The following P2RY14 variants were observed in gnomAD, a reference collection of about 807,000 sequenced individuals.
The protein encoded by P2RY14 is purinergic receptor P2Y14, also known as P2Y purinoceptor 14.
Under a neutral mutation model 0.9 loss-of-function variants are expected in P2RY14, and 2 were observed. The ratio of observed to expected loss-of-function variants is 2.16; its 90% CI spans 0.88 to 6.79. The LOEUF (loss-of-function observed/expected upper bound fraction) is 6.79, where lower values mean the gene tolerates loss of function less well. Among genes scored for constraint, P2RY14 ranks in the 30% most tolerant of loss-of-function variants. The probability of loss-of-function intolerance (pLI) is 0.05; values close to 1 mark genes in which losing one functional copy is unlikely to be tolerated. For missense variants in P2RY14, 378 were observed against 400.1 expected, an observed-to-expected ratio of 0.94 and a Z score of 0.47; for synonymous variants, 158 against 147.2, an observed-to-expected ratio of 1.07 and a Z score of -0.53.
At chr3:151,261,767 C>G (rs1223816230) in intron 1 of P2RY14, among the ~76,000 whole-genome samples, 1 of 152,048 alleles carries the variant, frequency 6.6e-6, no homozygotes, top group Non-Finnish European at 1.5e-5. Context: ...CTGTGTCATC[C>G]AGGCCACAGT....
At chr3:151,242,490 C>A (rs1474412727) in intron 1 of P2RY14, among the ~76,000 whole-genome samples, 1 of 152,116 alleles carries the variant, frequency 6.6e-6, no homozygotes, top group East Asian at 1.9e-4. Flanking sequence ...CTGGGAGGCA[C>A]CCCCCAGCAG....
intron 1 of P2RY14, among the ~76,000 whole-genome samples, chr3:151,242,495 C>A (rs917072374): frequency 1.3e-5 from 2 of 152,208 alleles, no homozygotes; most frequent in Non-Finnish European, 2.9e-5. Context: ...AGGCACCCCC[C>A]AGCAGGGGCA....
intron 1 of P2RY14, among the ~76,000 whole-genome samples, chr3:151,254,549 T>G (rs1370654597): frequency 6.6e-6 from 1 of 152,234 alleles, no homozygotes; most frequent in Non-Finnish European, 1.5e-5. Context: ...TATTTCAATA[T>G]TATAATTTGA....
intron 1 of P2RY14, among the ~76,000 whole-genome samples, chr3:151,266,213 A>G (rs1739809065): frequency 6.6e-6 from 1 of 152,200 alleles, no homozygotes; most frequent in South Asian, 2.1e-4. Flanking sequence ...GATTTCTGTT[A>G]AATAAGTAGA....
At chr3:151,252,100 C>T (rs1736964158) in intron 1 of P2RY14, among the ~76,000 whole-genome samples, 4 of 152,108 alleles carry the variant, frequency 2.6e-5, no homozygotes. Context: ...GAGGTTATTC[C>T]TGGACCACCC....
intron 1 of P2RY14, among the ~76,000 whole-genome samples, chr3:151,227,302 C>T (rs1472029012): frequency 2.0e-5 from 3 of 152,196 alleles, no homozygotes. Context: ...AAATTCGGCC[C>T]TCTCTTGATT....
At chr3:151,214,429 G>T in intron 2 of P2RY14, 89 bp from the exon 3 acceptor site, 1 of 886,848 alleles carries the variant, frequency 1.1e-6, no homozygotes. Context: ...AATGAATATA[G>T]TCAAACCTAC....
At position 151,212,471 on chromosome 3, in the gene P2RY14, T is replaced by C. The variant is rs1413465252; in HGVS notation, c.*829A>G. ...CAGTAGATTAATATATGTTCTACGG[T>C]GTGGGTGTGTCTTTTTCCCAGTCAT... On this transcript the variant is annotated 3_prime_UTR_variant, in exon 3 of 3. Transcript: ENST00000309170. 6.6e-6 allele frequency: 1 copy of C among 152,154 alleles called. No individual in the cohort carries two copies. Among genetic ancestry groups the C allele is most frequent in the Non-Finnish European group, 1.5e-5 (1 of 68,006 alleles). The allele number at this position is 152,154 out of a possible 1,614,324, so 9.4% of individuals were successfully genotyped here.
At chr3:151,240,237 CACG>C (rs1363866789) in intron 1 of P2RY14, among the ~76,000 whole-genome samples, 9 of 152,152 alleles carry the variant, frequency 5.9e-5, no homozygotes, top group Non-Finnish European at 1.3e-4. Flanking sequence ...TGTGTACTGA[CACG>C]ACGCCCAGTT....
In P2RY14 at chr3:151,214,317, C is replaced by T; in HGVS notation, c.-1G>A. On this transcript the variant is annotated 5_prime_UTR_variant, in exon 3 of 3. Coordinates refer to ENST00000309170, the MANE Select transcript of P2RY14 (RefSeq NM_014879.4). Reference sequence around the variant, plus strand: ...GCTGTGTGGAGGTTGAATTGATCATCTTGTAACTTCTGAAGGCAGAGGCCT... The same window carrying T: ...GCTGTGTGGAGGTTGAATTGATCATTTTGTAACTTCTGAAGGCAGAGGCCT... The T allele has an allele frequency of 6.2e-7, 1 of 1,610,692 alleles. No homozygotes were observed. Among genetic ancestry groups the T allele is most frequent in the Non-Finnish European group, 8.5e-7 (1 of 1,178,170 alleles).
chr3:151,223,461 T>C (rs764000024), intron 1 of P2RY14, among the ~76,000 whole-genome samples: 1 of 152,096 alleles, frequency 6.6e-6, no homozygotes, highest in Non-Finnish European at 1.5e-5. Context: ...CAATGATGGA[T>C]TGGATGAAGA....
chr3:151,234,874 A>G (rs1371839962), intron 1 of P2RY14, among the ~76,000 whole-genome samples: 2 of 152,220 alleles, frequency 1.3e-5, no homozygotes, highest in African/African-American at 2.4e-5. Flanking sequence ...GCAGAAGCCT[A>G]TCCTCAGCTG....
At chr3:151,261,346 T>C (rs1170853604) in intron 1 of P2RY14, 1 of 152,122 alleles carries the variant, frequency 6.6e-6, no homozygotes, top group Non-Finnish European at 1.5e-5. Context: ...AGGAATATGA[T>C]AATATTTGCA....
chr3:151,263,282 C>G (rs1009690539), intron 1 of P2RY14, among the ~76,000 whole-genome samples: 1 of 152,124 alleles, frequency 6.6e-6, no homozygotes, highest in Non-Finnish European at 1.5e-5. Flanking sequence ...GAAATAATGC[C>G]AGCTGAGTGG....
chr3:151,215,128 A>G (rs1023992712), intron 2 of P2RY14, among the ~76,000 whole-genome samples: 1 of 150,614 alleles, frequency 6.6e-6, no homozygotes, highest in Non-Finnish European at 1.5e-5. Flanking sequence ...TTTTTTTCCC[A>G]TTGAAAAACT....
chr3:151,263,950 A>G (rs1446444478), intron 1 of P2RY14, among the ~76,000 whole-genome samples: 1 of 152,228 alleles, frequency 6.6e-6, no homozygotes, highest in African/African-American at 2.4e-5. Context: ...AAGGCAGATA[A>G]CGATGGACAG....
At chr3:151,240,858 A>G (rs754561910) in intron 1 of P2RY14, among the ~76,000 whole-genome samples, 2 of 152,212 alleles carry the variant, frequency 1.3e-5, no homozygotes, top group Non-Finnish European at 2.9e-5. Context: ...GTGGATTTGA[A>G]GCCAGATGAC....
intron 1 of P2RY14, among the ~76,000 whole-genome samples, chr3:151,266,620 C>G (rs1739882794): frequency 6.6e-6 from 1 of 152,046 alleles, no homozygotes; most frequent in Non-Finnish European, 1.5e-5. Flanking sequence ...ATTCTAGTAC[C>G]TTGAAGATTT....
chr3:151,222,757 G>A (rs1177765116), intron 1 of P2RY14, among the ~76,000 whole-genome samples: 4 of 152,188 alleles, frequency 2.6e-5, no homozygotes, highest in Non-Finnish European at 4.4e-5. Flanking sequence ...ACCACTCTTT[G>A]AGTTAGCATC....
Sources: allele counts gnomAD v4.1 joint callset (sites outside exome capture counted in the v4.1 genomes callset), GRCh38; gene constraint gnomAD v4.1.1; transcripts MANE v1.5; gene names NCBI Gene and HGNC (gene_info 2026-07-23, HGNC 2026-07-21).